XKR7: variants seen among roughly 807,000 people sequenced by gnomAD.
XKR7 encodes XK related 7, also known as XK-related protein 7.
Under a neutral mutation model 42.2 loss-of-function variants are expected in XKR7, and 11 were observed. The observed-to-expected ratio is 0.26, with a 90% CI of 0.16 to 0.43. The LOEUF is 0.43. Ranked by LOEUF, XKR7 falls within the 20% of genes least tolerant of loss-of-function variation. The pLI is 1.00. For missense variants in XKR7, 710 were observed against 802.2 expected (o/e 0.89, Z 1.39); for synonymous variants, 346 against 366.4 (o/e 0.94, Z 0.64).
In XKR7 at chr20:32,003,206, C is replaced by CAT. The variant is rs1555863508; in HGVS notation, c.*5750_*5751dup. On this transcript the variant is annotated 3_prime_UTR_variant, in exon 3 of 3. Transcript: ENST00000562532. Reference sequence around the variant, plus strand: ...TGGTCCCACCTCCTGGTATTTACTACATCTGTGCCATCCCTCATCCCCCTG... The same window carrying CAT: ...TGGTCCCACCTCCTGGTATTTACTACATATCTGTGCCATCCCTCATCCCCCTG... The CAT allele has an allele frequency of 2.0e-5, 3 of 152,300 alleles. No individual in the cohort carries two copies. Among genetic ancestry groups the CAT allele is most frequent in the Non-Finnish European group, 4.4e-5 (3 of 68,084 alleles). The allele number at this position is 152,300 out of a possible 1,614,324, so 9.4% of individuals were successfully genotyped here. A position where few individuals can be genotyped will look rare whatever the true frequency, so the allele number is the denominator to read the frequency against.
At chr20:31,971,595 G>A (rs2064465998) in intron 1 of XKR7, among the ~76,000 whole-genome samples, 1 of 152,200 alleles carries the variant, frequency 6.6e-6, no homozygotes, top group Non-Finnish European at 1.5e-5. Context: ...CTGAGTGGTG[G>A]GGCCTGGGGT....
Position 31,968,785 on chromosome 20 carries a change from C to T in XKR7, c.584+26C>T. 1 of 1,468,186 alleles carries T rather than the reference C, an allele frequency of 6.8e-7. No individual in the cohort carries two copies. The highest frequency in any genetic ancestry group is 9.0e-7 in the Non-Finnish European group (1 of 1,115,712). 90.9% of individuals were successfully genotyped at this position (1,468,186 alleles called of 1,614,324 possible). ...GTAGGAGAAGCGCAGGTGGAGGGAC[C>T]TGAGCCCGAGGAGTGGGGGTGGCGA... On this transcript the variant is annotated intron_variant, in intron 1 of 2. Coordinates refer to ENST00000562532, the MANE Select transcript of XKR7 (RefSeq NM_001011718.2). The surrounding 1 kb of genome is among the most constrained non-coding windows in gnomAD (Gnocchi z 4.5).
intron 1 of XKR7, among the ~76,000 whole-genome samples, chr20:31,973,222 T>C (rs1412064379): frequency 6.6e-6 from 1 of 152,200 alleles, no homozygotes; most frequent in Non-Finnish European, 1.5e-5. Context: ...ACGGAGCACA[T>C]GGCAGGACAG....
intron 1 of XKR7, among the ~76,000 whole-genome samples, chr20:31,992,938 C>G (rs189752877): frequency 3.9e-4 from 59 of 152,198 alleles, no homozygotes; most frequent in Non-Finnish European, 7.4e-4. Context: ...TGACTTCCTC[C>G]CTTGGGCTGT....
At chr20:31,977,302 G>C (rs1465719443) in intron 1 of XKR7, among the ~76,000 whole-genome samples, 2 of 152,180 alleles carry the variant, frequency 1.3e-5, no homozygotes, top group Non-Finnish European at 2.9e-5. Context: ...TTCGCACCTA[G>C]GGTTCAGTTA....
At chr20:31,987,013 AG>A (rs2064544947) in intron 1 of XKR7, among the ~76,000 whole-genome samples, 1 of 151,242 alleles carries the variant, frequency 6.6e-6, no homozygotes, top group Admixed American at 6.6e-5. Context: ...AGGCACAGAC[AG>A]ACAGACCACC....
intron 1 of XKR7, among the ~76,000 whole-genome samples, chr20:31,986,219 A>G (rs1316250216): frequency 1.7e-5 from 2 of 120,278 alleles, no homozygotes; most frequent in Non-Finnish European, 3.5e-5. Context: ...CAGATCCAGT[A>G]TCCAAGGCAC....
chr20:31,974,143 A>C (rs2122250561), intron 1 of XKR7, among the ~76,000 whole-genome samples: 1 of 152,224 alleles, frequency 6.6e-6, no homozygotes, highest in African/African-American at 2.4e-5. Flanking sequence ...CAGTGAGCCG[A>C]GAGTGAGCCA....
At position 31,968,615 on chromosome 20, in the gene XKR7, C is replaced by T; in HGVS notation, c.440C>T (p.Ala147Val). 1.9e-6 allele frequency: 3 copies of T among 1,603,110 alleles called. No individual in the cohort carries two copies. Among genetic ancestry groups the T allele is most frequent in the Non-Finnish European group, 2.5e-6 (3 of 1,178,290 alleles). ...ATCAGCACCAAGGACAGCGCCGGCG[C>T]CTTCCGGACCAAAGAAGGCAGCCCC... ...AAISTKDSAG[A>V]FRTKEGSPEP... Residue 147 changes from alanine to valine, a missense_variant, in exon 1 of 3, where the codon GCC (alanine) becomes GTC (valine). Transcript: ENST00000562532. This position sits in a 1 kb window ranked among gnomAD's most constrained non-coding sequence, Gnocchi z 4.5.
At chr20:31,979,215 C>A (rs1165994844) in intron 1 of XKR7, among the ~76,000 whole-genome samples, 1 of 150,402 alleles carries the variant, frequency 6.6e-6, no homozygotes, top group Admixed American at 6.6e-5. Context: ...TTTTTCTTTT[C>A]TTTTTCTTTT....
chr20:31,968,398 C>T lies in XKR7; in HGVS notation c.223C>T (p.Leu75=), dbSNP rs373091134. 27 of 1,613,506 alleles carry T rather than the reference C, an allele frequency of 1.7e-5. No homozygotes were observed. The highest frequency in any genetic ancestry group is 8.0e-5 in the African/African-American group (6 of 74,910). ...LVFFSDGATD[L]WLAASYYLQN... ...GTTCTTCTCCGACGGTGCCACGGAC[C>T]TGTGGCTGGCGGCCTCCTACTACCT... Residue 75 remains leucine (L), a synonymous_variant, in exon 1 of 3, where the codon CTG becomes TTG. Coordinates refer to ENST00000562532, the MANE Select transcript of XKR7 (RefSeq NM_001011718.2). This position sits in a 1 kb window ranked among gnomAD's most constrained non-coding sequence, Gnocchi z 4.5.
chr20:31,978,262 T>C (rs1338093617), intron 1 of XKR7, among the ~76,000 whole-genome samples: 1 of 152,130 alleles, frequency 6.6e-6, no homozygotes, highest in African/African-American at 2.4e-5. Flanking sequence ...CACACCACCA[T>C]GCCCAGCTAA....
In XKR7 at chr20:31,996,732, A is replaced by G; in HGVS notation, c.1015A>G (p.Met339Val). Reference protein sequence around the residue: ...GIFIVAHWCVMTFWVIQGETD... With the variant: ...GIFIVAHWCVVTFWVIQGETD... ...CTTCATCGTGGCCCACTGGTGCGTC[A>G]TGACCTTCTGGGTCATCCAAGGGGA... The change falls in exon 3 of 3, where the codon ATG becomes GTG. Residue 339 changes from methionine to valine, a missense_variant. By Grantham distance (21) the Met-to-Val change is conservative. This residue lies in a region of XKR7 where 708 missense variants were observed against 786.2 expected (regional missense o/e 0.90). Coordinates refer to ENST00000562532, the MANE Select transcript of XKR7 (RefSeq NM_001011718.2). The G allele has an allele frequency of 6.2e-7, 1 of 1,613,986 alleles. No individual in the cohort carries two copies.
At chr20:31,975,149 C>T (rs1484049525) in intron 1 of XKR7, among the ~76,000 whole-genome samples, 1 of 152,026 alleles carries the variant, frequency 6.6e-6, no homozygotes, top group Non-Finnish European at 1.5e-5. Context: ...CTTCTCTGGC[C>T]TCTCTGTTCA....
At chr20:31,993,891 G>T (rs887290133) in intron 1 of XKR7, among the ~76,000 whole-genome samples, 1 of 152,212 alleles carries the variant, frequency 6.6e-6, no homozygotes, top group South Asian at 2.1e-4. Flanking sequence ...GTCATCCCGG[G>T]TTGGGGCCGG....
chr20:31,968,263 C>G lies in XKR7; in HGVS notation c.88C>G (p.Arg30Gly). The change falls in exon 1 of 3, where the codon CGC becomes GGC. Residue 30 changes from arginine to glycine, a missense_variant. By Grantham distance (125) the Arg-to-Gly change is moderately radical (BLOSUM62 -2). Coordinates refer to ENST00000562532, the MANE Select transcript of XKR7 (RefSeq NM_001011718.2). This position sits in a 1 kb window ranked among gnomAD's most constrained non-coding sequence, Gnocchi z 4.5. ...TGGAGCCCGGGGCAGTGCCGGCGGGCGCGGGGAGGCGGCGGCGGCGGCCGG... is the reference window on the plus strand; with the variant it reads ...TGGAGCCCGGGGCAGTGCCGGCGGGGGCGGGGAGGCGGCGGCGGCGGCCGG... ...AGGARGSAGGRGEAAAAAGPP... is the reference protein window; with the variant it reads ...AGGARGSAGGGGEAAAAAGPP... 8.8e-7 allele frequency: 1 copy of G among 1,139,052 alleles called. No homozygotes were observed. Among genetic ancestry groups the G allele is most frequent in the Non-Finnish European group, 1.1e-6 (1 of 929,526 alleles). 70.6% of individuals were successfully genotyped at this position (1,139,052 alleles called of 1,614,324 possible).
rs1268102834 is a variant in XKR7, at chr20:31,997,344, C to G, written c.1627C>G (p.Arg543Gly). Reference protein sequence around the residue: ...PAWDAHFIDRRLRKTILALEY... With the variant: ...PAWDAHFIDRGLRKTILALEY... ...CTGGGATGCTCATTTTATTGACCGC[C>G]GGCTCCGGAAGACCATCCTGGCACT... Residue 543 changes from arginine (R) to glycine (G), a missense_variant, in exon 3 of 3, where the codon CGG (arginine) becomes GGG (glycine). Coordinates refer to ENST00000562532, the MANE Select transcript of XKR7 (RefSeq NM_001011718.2). The G allele has an allele frequency of 3.1e-6, 5 of 1,606,676 alleles. No homozygotes were observed. The highest frequency in any genetic ancestry group is 4.2e-6 in the Non-Finnish European group (5 of 1,179,984).
chr20:31,968,971 G>A lies in XKR7; in HGVS notation c.584+212G>A, dbSNP rs1279261632. ...GACCAACCCCAGTGCCATCCGGTCT[G>A]ACCTGGCCTTCGAGAGGGGAGGGGA... On this transcript the variant is annotated intron_variant, in intron 1 of 2. Transcript: ENST00000562532. This position sits in a 1 kb window ranked among gnomAD's most constrained non-coding sequence, Gnocchi z 4.5. Among the ~76,000 whole-genome samples the A allele has an allele frequency of 6.6e-6, 1 of 152,080 alleles. No individual in the cohort carries two copies. Among genetic ancestry groups the A allele is most frequent in the Non-Finnish European group, 1.5e-5 (1 of 68,014 alleles).
At chr20:31,978,717 A>G (rs1007476039) in intron 1 of XKR7, among the ~76,000 whole-genome samples, 1 of 152,252 alleles carries the variant, frequency 6.6e-6, no homozygotes, top group African/African-American at 2.4e-5. Context: ...CTAAATAATC[A>G]TACATGGCAA....
Sources: gnomAD v4.1 joint callset for allele counts (sites outside exome capture counted in the v4.1 genomes callset) on GRCh38, gnomAD v4.1.1 for gene constraint, gnomAD v4.1.1 regional missense constraint, Gnocchi (gnomAD v3.1) non-coding constraint, MANE v1.5 for transcripts, NCBI Gene and HGNC (gene_info 2026-07-23, HGNC 2026-07-21) for gene names.